UGT8: variants seen among roughly 807,000 people sequenced by gnomAD.
The protein encoded by UGT8 is UDP glycosyltransferase 8, also known as 2-hydroxyacylsphingosine 1-beta-galactosyltransferase.
Under a neutral mutation model 40.5 loss-of-function variants are expected in UGT8, and 12 were observed. The ratio of observed to expected loss-of-function variants is 0.30; its 90% CI spans 0.19 to 0.48. The LOEUF (loss-of-function observed/expected upper bound fraction) is 0.48. Ranked by LOEUF, UGT8 falls within the 20% of genes least tolerant of loss-of-function variation. The pLI, the probability that UGT8 is intolerant of heterozygous loss-of-function variation, is 0.99. For missense variants in UGT8, 513 were observed against 648.7 expected, an observed-to-expected ratio of 0.79 and a Z score of 2.27; for synonymous variants, 224 against 240.4, an observed-to-expected ratio of 0.93 and a Z score of 0.63.
intron 3 of UGT8, 95 bp downstream of exon 3, chr4:114,664,232 C>T: frequency 2.2e-6 from 3 of 1,382,842 alleles, no homozygotes; most frequent in Non-Finnish European, 3.0e-6. Context: ...CATTGTTTCC[C>T]TGACAAGATT....
At chr4:114,622,126 C>A (rs374933386) in intron 1 of UGT8, among the ~76,000 whole-genome samples, 1 of 128,810 alleles carries the variant, frequency 7.8e-6, no homozygotes, top group South Asian at 2.9e-4. Flanking sequence ...CACAACAGTC[C>A]CCAGAGTGTG....
In UGT8 at chr4:114,676,896, T is replaced by A. The variant is rs1735691951; in HGVS notation, c.*608T>A. ...AAAGAAATGGCACAGTTTTTTGTAT[T>A]TTTTTTTTTAGTTATTTTTTGTTGT... is the stretch of plus-strand genomic sequence containing the variant. On this transcript the variant is annotated 3_prime_UTR_variant, in exon 6 of 6. Coordinates refer to ENST00000310836, the MANE Select transcript of UGT8 (RefSeq NM_001128174.3). 6.7e-6 allele frequency: 1 copy of A among 149,058 alleles called. No individual in the cohort carries two copies. The highest frequency in any genetic ancestry group is 1.5e-5 in the Non-Finnish European group (1 of 66,964). The allele number at this position is 149,058 out of a possible 1,614,324, so 9.2% of individuals were successfully genotyped here. A position where few individuals can be genotyped will look rare whatever the true frequency, so the allele number is the denominator to read the frequency against.
chr4:114,668,219 A>G lies in UGT8; in HGVS notation c.1177A>G (p.Lys393Glu), dbSNP rs1735012073. The G allele has an allele frequency of 6.2e-7, 1 of 1,613,904 alleles. No homozygotes were observed. Among genetic ancestry groups the G allele is most frequent in the Non-Finnish European group, 8.5e-7 (1 of 1,179,844 alleles). The change falls in exon 5 of 6, where the codon AAA becomes GAA. Residue 393 changes from lysine to glutamate, a missense_variant. By Grantham distance (56) the Lys-to-Glu change is moderately conservative (BLOSUM62 1). This residue lies in a region of UGT8 where 175 missense variants were observed against 186.7 expected (regional missense o/e 0.94). Coordinates refer to ENST00000310836, the MANE Select transcript of UGT8 (RefSeq NM_001128174.3). ...HYDTMTRVQA[K>E]GMGILLEWKT... The stretch of plus-strand genomic sequence containing the variant: ...TGATACTATGACCAGAGTACAGGCA[A>G]AAGGCATGGGGATATTGCTAGAATG...
intron 2 of UGT8, among the ~76,000 whole-genome samples, chr4:114,635,767 C>T (rs1732851679): frequency 6.6e-6 from 1 of 152,088 alleles, no homozygotes; most frequent in Non-Finnish European, 1.5e-5. Flanking sequence ...GGCTTGTTTA[C>T]CAGATCTTTA....
chr4:114,606,825 C>G (rs559369330), intron 1 of UGT8, among the ~76,000 whole-genome samples: 2 of 152,000 alleles, frequency 1.3e-5, no homozygotes, highest in African/African-American at 4.8e-5. Flanking sequence ...CATATCTGGG[C>G]TTTATGTAAA....
At chr4:114,639,954 A>T (rs1422237620) in intron 2 of UGT8, among the ~76,000 whole-genome samples, 1 of 151,782 alleles carries the variant, frequency 6.6e-6, no homozygotes, top group Admixed American at 6.6e-5. Flanking sequence ...ACTTCAGTTT[A>T]GTGTCATATT....
intron 2 of UGT8, among the ~76,000 whole-genome samples, chr4:114,624,426 T>C (rs1381308520): frequency 1.3e-5 from 2 of 152,204 alleles, no homozygotes; most frequent in Non-Finnish European, 1.5e-5. Flanking sequence ...GCCATACACA[T>C]ACCTATTGTT....
intron 2 of UGT8, among the ~76,000 whole-genome samples, chr4:114,659,644 A>G (rs1220115306): frequency 1.3e-5 from 2 of 152,188 alleles, no homozygotes; most frequent in Non-Finnish European, 2.9e-5. Context: ...TGCAATTTCT[A>G]AATTCCTGTA....
intron 2 of UGT8, among the ~76,000 whole-genome samples, chr4:114,645,814 G>A (rs1430555244): frequency 6.6e-6 from 1 of 152,028 alleles, no homozygotes; most frequent in Non-Finnish European, 1.5e-5. Flanking sequence ...AGTTGTATAG[G>A]GATAGATTAG....
chr4:114,621,510 T>C (rs1333268027), intron 1 of UGT8, among the ~76,000 whole-genome samples: 1 of 152,200 alleles, frequency 6.6e-6, no homozygotes, highest in Non-Finnish European at 1.5e-5. Context: ...AATTATTTTC[T>C]AAAACAATCT....
chr4:114,625,181 GTC>G (rs1732120742), intron 2 of UGT8, among the ~76,000 whole-genome samples: 3 of 152,190 alleles, frequency 2.0e-5, no homozygotes, highest in Non-Finnish European at 2.9e-5. Context: ...TCTGGGTGAT[GTC>G]TCTCTTCTTC....
intron 1 of UGT8, chr4:114,619,333 T>C (rs1299995412): frequency 2.0e-5 from 3 of 152,116 alleles, no homozygotes; most frequent in Non-Finnish European, 4.4e-5. Flanking sequence ...GTTGGTAATG[T>C]AAAAGGTATA....
At chr4:114,631,563 A>G (rs992241317) in intron 2 of UGT8, among the ~76,000 whole-genome samples, 1 of 152,190 alleles carries the variant, frequency 6.6e-6, no homozygotes, top group Non-Finnish European at 1.5e-5. Context: ...ATTCTCTTTC[A>G]GTATTGCTTA....
chr4:114,606,107 A>C (rs183363942), intron 1 of UGT8, among the ~76,000 whole-genome samples: 184 of 152,272 alleles, frequency 1.2e-3, no homozygotes, highest in Middle Eastern at 3.4e-3. Context: ...ACAACAACAA[A>C]AAACTTGGAC....
intron 1 of UGT8, among the ~76,000 whole-genome samples, chr4:114,608,141 C>G (rs925421592): frequency 4.6e-5 from 7 of 152,276 alleles, no homozygotes; most frequent in Admixed American, 3.3e-4. Flanking sequence ...GATATCCCCC[C>G]GCTTGAGATG....
At chr4:114,655,487 G>A (rs1480248111) in intron 2 of UGT8, among the ~76,000 whole-genome samples, 1 of 151,846 alleles carries the variant, frequency 6.6e-6, no homozygotes, top group Non-Finnish European at 1.5e-5. Context: ...TTTCTCATGT[G>A]GAATTGTTAA....
chr4:114,620,548 C>T (rs192629235), intron 1 of UGT8, among the ~76,000 whole-genome samples: 2 of 152,286 alleles, frequency 1.3e-5, no homozygotes, highest in East Asian at 3.9e-4. Flanking sequence ...GTCAACTTTA[C>T]TATAGAATCA....
chr4:114,667,694 C>T (rs769423686), intron 4 of UGT8: 4 of 196,398 alleles, frequency 2.0e-5, no homozygotes, highest in Non-Finnish European at 3.7e-5. Flanking sequence ...GTGTTTTTGA[C>T]TTTAATATTG....
intron 2 of UGT8, among the ~76,000 whole-genome samples, chr4:114,624,181 G>A (rs1340574757): frequency 2.0e-5 from 3 of 152,094 alleles, no homozygotes; most frequent in Non-Finnish European, 4.4e-5. Context: ...AAAGTGAGGT[G>A]GTAACTTCCA....
Sources: allele counts gnomAD v4.1 joint callset (sites outside exome capture counted in the v4.1 genomes callset), GRCh38; gene constraint gnomAD v4.1.1; regional missense constraint gnomAD v4.1.1; transcripts MANE v1.5; gene names NCBI Gene and HGNC (gene_info 2026-07-23, HGNC 2026-07-21).